CYTH3: variants seen among roughly 807,000 people sequenced by gnomAD.
CYTH3 encodes cytohesin 3, also known as cytohesin-3.
CYTH3 carries 23 observed loss-of-function variants against 55.1 expected under a neutral mutation model. That is an observed-to-expected ratio of 0.42 (90% CI 0.30 to 0.59). The LOEUF is 0.59. CYTH3 is among the 20% of genes least tolerant of loss of function. The probability of loss-of-function intolerance (pLI) is 0.20; values close to 1 mark genes in which losing one functional copy is unlikely to be tolerated. For synonymous variants in CYTH3, 249 were observed against 194.9 expected, an observed-to-expected ratio of 1.28 and a Z score of -2.31; for missense variants, 413 against 524.8, an observed-to-expected ratio of 0.79 and a Z score of 2.08.
chr7:6,168,653 C>T (rs998341869), intron 9 of CYTH3, among the ~76,000 whole-genome samples: 5 of 152,232 alleles, frequency 3.3e-5, no homozygotes, highest in African/African-American at 9.6e-5. Context: ...TGGCACCCGG[C>T]GCCCAGCCAG....
chr7:6,224,843 G>C lies in CYTH3; in HGVS notation c.35-34312C>G, dbSNP rs1273755732. On this transcript the variant is annotated intron_variant, in intron 1 of 12. Transcript: ENST00000350796. Reference sequence around the variant, plus strand: ...AATGGATGAATGGATAACACTTGTAGTATTTCCTGACACTGGGATATTCAG... The same window carrying C: ...AATGGATGAATGGATAACACTTGTACTATTTCCTGACACTGGGATATTCAG... Among the ~76,000 whole-genome samples the C allele has an allele frequency of 2.0e-5, 3 of 152,330 alleles. No individual in the cohort carries two copies. In the East Asian group the frequency reaches 5.8e-4, roughly 29 times the overall value.
intron 1 of CYTH3, among the ~76,000 whole-genome samples, chr7:6,246,623 A>G (rs1403673462): frequency 1.3e-5 from 2 of 152,182 alleles, no homozygotes; most frequent in African/African-American, 4.8e-5. Flanking sequence ...AACAAAAATA[A>G]AACAGTAAAA....
At chr7:6,193,571 TG>T (rs967955856) in intron 1 of CYTH3, among the ~76,000 whole-genome samples, 5 of 152,168 alleles carry the variant, frequency 3.3e-5, no homozygotes, top group Admixed American at 3.3e-4. Flanking sequence ...AAGCCCACAG[TG>T]GCGTAGACCA....
chr7:6,200,121 T>C (rs536595665), intron 1 of CYTH3, among the ~76,000 whole-genome samples: 41 of 152,278 alleles, frequency 2.7e-4, no homozygotes, highest in African/African-American at 9.1e-4. Flanking sequence ...AAATGGGAGA[T>C]TGTCACAGAT....
intron 5 of CYTH3, among the ~76,000 whole-genome samples, chr7:6,175,934 T>C (rs1783340131): frequency 6.6e-6 from 1 of 152,142 alleles, no homozygotes; most frequent in African/African-American, 2.4e-5. Context: ...GAATTTTCCA[T>C]AGTAATTTTA....
At chr7:6,231,174 G>A (rs1779384069) in intron 1 of CYTH3, among the ~76,000 whole-genome samples, 1 of 152,226 alleles carries the variant, frequency 6.6e-6, no homozygotes, top group Non-Finnish European at 1.5e-5. Context: ...ACGGGCAGAG[G>A]GCTTCTGCCC....
intron 1 of CYTH3, among the ~76,000 whole-genome samples, chr7:6,264,494 C>A (rs1780434721): frequency 6.6e-6 from 1 of 152,126 alleles, no homozygotes; most frequent in African/African-American, 2.4e-5. Flanking sequence ...TGCCTGTAAT[C>A]CCAGCTACTC....
chr7:6,272,019 T>C (rs1408652470), intron 1 of CYTH3, among the ~76,000 whole-genome samples: 7 of 152,154 alleles, frequency 4.6e-5, no homozygotes, highest in Non-Finnish European at 1.0e-4. Context: ...GAGCCTCCAG[T>C]GCAAAACTTT....
At chr7:6,260,585 T>C (rs1780328611) in intron 1 of CYTH3, among the ~76,000 whole-genome samples, 1 of 152,108 alleles carries the variant, frequency 6.6e-6, no homozygotes, top group Admixed American at 6.6e-5. Flanking sequence ...CTCCCCAAAT[T>C]GTTTTTCTTT....
intron 6 of CYTH3, chr7:6,173,155 C>T: frequency 2.5e-6 from 2 of 788,100 alleles, no homozygotes; most frequent in Non-Finnish European, 3.1e-6. Flanking sequence ...GAGACAACTT[C>T]CTGCTTGCAG....
intron 4 of CYTH3, among the ~76,000 whole-genome samples, chr7:6,186,315 G>A (rs1028816697): frequency 6.6e-5 from 10 of 150,526 alleles, no homozygotes; most frequent in South Asian, 2.1e-4. Context: ...GCTCTGCAGC[G>A]AGACCTTCCC....
intron 1 of CYTH3, among the ~76,000 whole-genome samples, chr7:6,260,166 T>C (rs1484289421): frequency 2.0e-5 from 3 of 151,914 alleles, no homozygotes; most frequent in Non-Finnish European, 4.4e-5. Context: ...TAGGGTACTT[T>C]GACAAAACCT....
At chr7:6,229,814 C>G (rs1374216039) in intron 1 of CYTH3, among the ~76,000 whole-genome samples, 4 of 135,792 alleles carry the variant, frequency 2.9e-5, no homozygotes, top group African/African-American at 1.1e-4. Context: ...GAGACCCTGT[C>G]TCAAAAGAAA....
chr7:6,257,929 T>C (rs1002445777), intron 1 of CYTH3, among the ~76,000 whole-genome samples: 2 of 152,076 alleles, frequency 1.3e-5, no homozygotes, highest in Middle Eastern at 3.2e-3. Flanking sequence ...GGGTGTGGGC[T>C]TGGAAATGGA....
chr7:6,182,265 C>T (rs1462669469), intron 4 of CYTH3, among the ~76,000 whole-genome samples: 7 of 152,082 alleles, frequency 4.6e-5, no homozygotes, highest in African/African-American at 1.4e-4. Context: ...AGCCAAGCTG[C>T]TCTTGAACTT....
chr7:6,167,145 C>A lies in CYTH3; in HGVS notation c.824-1335G>T, dbSNP rs774685778. Reference sequence around the variant, plus strand: ...AGACCCAGCCAGGCCCACAGCAAGGCCCAAAGTCCTTGTTGCCCTCGTGTC... The same window carrying A: ...AGACCCAGCCAGGCCCACAGCAAGGACCAAAGTCCTTGTTGCCCTCGTGTC... On this transcript the variant is annotated intron_variant, in intron 9 of 12. Coordinates refer to ENST00000350796, the MANE Select transcript of CYTH3 (RefSeq NM_004227.4). The surrounding 1 kb of genome is among the most constrained non-coding windows in gnomAD (Gnocchi z 5.5). 4.6e-5 allele frequency among the ~76,000 whole-genome samples: 7 copies of A among 152,220 alleles called. No homozygotes were observed. The highest frequency in any genetic ancestry group is 1.0e-4 in the Non-Finnish European group (7 of 68,030).
At chr7:6,262,375 C>G (rs1242331588) in intron 1 of CYTH3, among the ~76,000 whole-genome samples, 1 of 152,182 alleles carries the variant, frequency 6.6e-6, no homozygotes, top group Non-Finnish European at 1.5e-5. Context: ...CAACTAATCC[C>G]AAGCAGGATA....
At chr7:6,207,341 G>A (rs905146348) in intron 1 of CYTH3, among the ~76,000 whole-genome samples, 4 of 152,072 alleles carry the variant, frequency 2.6e-5, no homozygotes, top group African/African-American at 7.2e-5. Context: ...TGATCCACTT[G>A]CCTCAGCCTC....
intron 1 of CYTH3, among the ~76,000 whole-genome samples, chr7:6,241,916 T>G (rs1218121322): frequency 6.6e-6 from 1 of 152,228 alleles, no homozygotes; most frequent in Non-Finnish European, 1.5e-5. Context: ...ACATTTTTAT[T>G]ATAATTGCAT....
Sources: allele counts gnomAD v4.1 joint callset (sites outside exome capture counted in the v4.1 genomes callset), GRCh38; gene constraint gnomAD v4.1.1; non-coding constraint Gnocchi (gnomAD v3.1); transcripts MANE v1.5; gene names NCBI Gene and HGNC (gene_info 2026-07-23, HGNC 2026-07-21).